DNAH3: variants seen among roughly 807,000 people sequenced by gnomAD.
DNAH3 encodes dynein axonemal heavy chain 3, also known as axonemal beta dynein heavy chain 3.
In DNAH3, 332 loss-of-function variants were observed where a neutral mutation model predicts 432.5. The observed-to-expected ratio is 0.77, with a 90% CI of 0.70 to 0.84. The LOEUF (loss-of-function observed/expected upper bound fraction) is 0.84. Ranked by LOEUF, DNAH3 falls within the 40% of genes least tolerant of loss-of-function variation. The probability of loss-of-function intolerance (pLI) is 0.00; values close to 1 mark genes in which losing one functional copy is unlikely to be tolerated. For synonymous variants in DNAH3, 1,956 were observed against 1,900.2 expected (o/e 1.03, Z -0.76); for missense variants, 4,861 against 5,114.0 (o/e 0.95, Z 1.51).
intron 1 of DNAH3, among the ~76,000 whole-genome samples, chr16:21,153,570 T>C (rs1232858629): frequency 1.3e-5 from 2 of 152,166 alleles, no homozygotes; most frequent in Non-Finnish European, 2.9e-5. Context: ...GATCCCCTTC[T>C]ACAACGTGGA....
Position 21,141,313 on chromosome 16 carries a change from CTT to C in DNAH3, c.506_507del (p.Lys169ArgfsTer5), listed in dbSNP as rs753684631. On this transcript the variant is annotated frameshift_variant, in exon 4 of 62. Coordinates refer to ENST00000261383, the Ensembl canonical transcript of DNAH3. LOFTEE classifies it high-confidence loss of function. Reference sequence around the variant, plus strand: ...GTGATATCTTACCTAGTGGAATCCTCTTTGTTTCTGGAGGAAAACTTCGTTTT... The same window carrying C: ...GTGATATCTTACCTAGTGGAATCCTCTGTTTCTGGAGGAAAACTTCGTTTT... The C allele has an allele frequency of 2.0e-5, 31 of 1,588,944 alleles. No individual in the cohort carries two copies. In the Admixed American group the frequency reaches 2.4e-4, roughly 13 times the overall value.
chr16:21,011,832 A>AGAT (rs1051625928), intron 41 of DNAH3, among the ~76,000 whole-genome samples: 3 of 152,316 alleles, frequency 2.0e-5, no homozygotes, highest in Admixed American at 6.5e-5. Flanking sequence ...ATGCCCTAAG[A>AGAT]GATGATGATG....
chr16:21,133,189 CA>C (rs1437589951), intron 7 of DNAH3, among the ~76,000 whole-genome samples: 1 of 151,342 alleles, frequency 6.6e-6, no homozygotes, highest in East Asian at 1.9e-4. Context: ...CCGTCTCTAT[CA>C]AAAAATACAA....
chr16:21,020,919 C>G (rs1033806353), intron 40 of DNAH3, among the ~76,000 whole-genome samples: 3 of 152,100 alleles, frequency 2.0e-5, no homozygotes, highest in Non-Finnish European at 4.4e-5. Flanking sequence ...CCCCTTGCAA[C>G]CAGAACTCTC....
At chr16:21,142,161 T>C (rs2092727667) in intron 3 of DNAH3, among the ~76,000 whole-genome samples, 1 of 152,116 alleles carries the variant, frequency 6.6e-6, no homozygotes, top group Non-Finnish European at 1.5e-5. Context: ...GGTCAGGAGT[T>C]GGAGACCAGC....
rs752933526 is a variant in DNAH3 at position 20,944,616 on chromosome 16, T to G, written c.11391A>C (p.Glu3797Asp). The change falls in exon 58 of 62, where the codon GAA becomes GAC. Residue 3797 changes from glutamate (E) to aspartate (D), a missense_variant. Coordinates refer to ENST00000261383, the Ensembl canonical transcript of DNAH3. ...CTGCGTTCTCATGGAGGCCGAACAC[T>G]TCTGGGTGGGCTGTGATGGGGAGAT... 7 of 1,613,998 alleles carry G rather than the reference T, an allele frequency of 4.3e-6. No individual in the cohort carries two copies. In the South Asian group the frequency reaches 7.7e-5, roughly 18 times the overall value.
chr16:20,980,864 A>C (rs549286230), intron 49 of DNAH3, among the ~76,000 whole-genome samples: 2 of 152,320 alleles, frequency 1.3e-5, no homozygotes, highest in Admixed American at 6.5e-5. Flanking sequence ...GGGTCAGATA[A>C]TAAATATTTT....
exon 17 of DNAH3, chr16:21,098,739 G>A (rs759918277): frequency 6.2e-7 from 1 of 1,612,750 alleles, no homozygotes; most frequent in Non-Finnish European, 8.5e-7. Flanking sequence ...CTCTGTGGTA[G>A]CCCTCAAGTC....
At chr16:20,979,198 G>C in intron 50 of DNAH3, 132 bp downstream of exon 50, 1 of 745,740 alleles carries the variant, frequency 1.3e-6, no homozygotes, top group Non-Finnish European at 2.3e-6. Flanking sequence ...TGTAGGTAAG[G>C]TAAGCTCTGC....
chr16:21,013,618 C>T (rs1038639983), intron 41 of DNAH3, among the ~76,000 whole-genome samples: 8 of 148,460 alleles, frequency 5.4e-5, no homozygotes, highest in African/African-American at 2.0e-4. Flanking sequence ...ACTCGGGAGG[C>T]TGAGGCAGAA....
At chr16:21,041,251 GT>G (rs1203545666) in intron 32 of DNAH3, among the ~76,000 whole-genome samples, 2 of 151,974 alleles carry the variant, frequency 1.3e-5, no homozygotes, top group East Asian at 3.9e-4. Flanking sequence ...CATGGCTATA[GT>G]CCCAGCTACT....
chr16:21,158,042 A>G (rs2092911488), intron 1 of DNAH3, among the ~76,000 whole-genome samples: 1 of 152,108 alleles, frequency 6.6e-6, no homozygotes, highest in Non-Finnish European at 1.5e-5. Context: ...CTATTCAGAA[A>G]CCTTACTCTA....
At position 21,081,748 on chromosome 16, in the gene DNAH3, C is replaced by CAAAT. The variant is rs775796935; in HGVS notation, c.2878-25_2878-22dup. ...CTGATCTGCAAAGAAAAGAGGAAAG[C>CAAAT]AAATGTTTGTTGTCCGAGGCAGTGC... On this transcript the variant is annotated intron_variant, in intron 19 of 61. Coordinates refer to ENST00000261383, the Ensembl canonical transcript of DNAH3. 4 of 1,607,956 alleles carry CAAAT rather than the reference C, an allele frequency of 2.5e-6. No homozygotes were observed. In the Admixed American group the frequency reaches 6.7e-5, roughly 27 times the overall value.
At chr16:20,968,757 T>C (rs1300230925) in intron 52 of DNAH3, among the ~76,000 whole-genome samples, 1 of 151,968 alleles carries the variant, frequency 6.6e-6, no homozygotes, top group Admixed American at 6.6e-5. Context: ...CTCCCTCTAA[T>C]TTTCCATTCC....
chr16:20,954,486 T>C (rs1456919586), intron 55 of DNAH3, among the ~76,000 whole-genome samples: 22 of 151,624 alleles, frequency 1.5e-4, no homozygotes, highest in Non-Finnish European at 4.4e-5. Context: ...GATGGGGTTT[T>C]ACCATGTTAC....
chr16:21,046,849 G>A (rs907963347), intron 31 of DNAH3, among the ~76,000 whole-genome samples: 1 of 151,706 alleles, frequency 6.6e-6, no homozygotes, highest in Non-Finnish European at 1.5e-5. Flanking sequence ...CTTCCTTCAG[G>A]AGCTCTTGTA....
intron 8 of DNAH3, among the ~76,000 whole-genome samples, chr16:21,126,522 G>T (rs745447448): frequency 6.6e-6 from 1 of 152,202 alleles, no homozygotes; most frequent in East Asian, 1.9e-4. Flanking sequence ...AAGGAATTGT[G>T]TAAATGTATG....
At position 21,002,662 on chromosome 16, in the gene DNAH3, T is replaced by A. The variant is rs181664330; in HGVS notation, c.6126+442A>T. 2.7e-4 allele frequency among the ~76,000 whole-genome samples: 41 copies of A among 152,242 alleles called. No individual in the cohort carries two copies. The East Asian group carries it at 3.7e-3, about 14-fold the overall frequency. ...TTTTAGTAGAGATGCGGTTTCACCA[T>A]GTTGGCCAGGCTGGTCTTGCACTCC... On this transcript the variant is annotated intron_variant, in intron 42 of 61. Coordinates refer to ENST00000261383, the Ensembl canonical transcript of DNAH3.
intron 24 of DNAH3, among the ~76,000 whole-genome samples, chr16:21,066,672 A>G (rs549867573): frequency 1.6e-4 from 25 of 152,278 alleles, no homozygotes; most frequent in Non-Finnish European, 2.5e-4. Context: ...ACCAGCCTGG[A>G]ACTAACCTAA....
Sources: allele counts gnomAD v4.1 joint callset (sites outside exome capture counted in the v4.1 genomes callset), GRCh38; gene constraint gnomAD v4.1.1; transcripts MANE v1.5; gene names NCBI Gene and HGNC (gene_info 2026-07-23, HGNC 2026-07-21).